KDM2A: variants seen among roughly 807,000 people sequenced by gnomAD.
The protein encoded by KDM2A is lysine demethylase 2A, also known as lysine-specific demethylase 2A.
A neutral mutation model predicts 137.3 loss-of-function variants in KDM2A; 3 were observed. The ratio of observed to expected loss-of-function variants is 0.02; its 90% CI spans 0.01 to 0.06. The LOEUF (loss-of-function observed/expected upper bound fraction) is 0.06, where lower values mean the gene tolerates loss of function less well. Among genes scored for constraint, KDM2A ranks in the 10% least tolerant of loss-of-function variants. The pLI is 1.00. For missense variants in KDM2A, 738 were observed against 1,510.6 expected (o/e 0.49, Z 8.48); for synonymous variants, 512 against 541.5 (o/e 0.95, Z 0.76).
chr11:67,213,790 C>A, intron 6 of KDM2A, among the ~76,000 whole-genome samples: 1 of 151,142 alleles, frequency 6.6e-6, no homozygotes, highest in East Asian at 1.9e-4. Flanking sequence ...TGTATTCTCA[C>A]ATTATTTCAG....
rs531574764 is a variant in KDM2A, at chr11:67,140,798, C to T, written c.42+19440C>T. On this transcript the variant is annotated intron_variant, in intron 2 of 20. Coordinates refer to ENST00000529006, the MANE Select transcript of KDM2A (RefSeq NM_012308.3). Reference sequence around the variant, plus strand: ...ATACTTTTGATTTATTTATATTAACCTTTCTGTCTCTAGTAGCATATTTAA... The same window carrying T: ...ATACTTTTGATTTATTTATATTAACTTTTCTGTCTCTAGTAGCATATTTAA... Among the ~76,000 whole-genome samples the T allele has an allele frequency of 2.0e-5, 3 of 152,046 alleles. No homozygotes were observed. The South Asian group carries it at 6.2e-4, about 32-fold the overall frequency.
In KDM2A at chr11:67,255,188, C is replaced by G. The variant is rs1859561263; in HGVS notation, c.*133C>G. 1 of 778,782 alleles carries G rather than the reference C, an allele frequency of 1.3e-6. No homozygotes were observed. Among genetic ancestry groups the G allele is most frequent in the Admixed American group, 2.6e-5 (1 of 38,364 alleles). The allele number at this position is 778,782 out of a possible 1,614,324, so 48.2% of individuals were successfully genotyped here. On this transcript the variant is annotated 3_prime_UTR_variant, in exon 21 of 21. Transcript: ENST00000529006. ...TCTCTGCTCTCCTGTCCCTTGAGCC[C>G]TTCCTCTACAGGTGGGGCAGAGAGG...
chr11:67,202,606 A>G (rs1363055838), intron 5 of KDM2A, among the ~76,000 whole-genome samples: 1 of 151,254 alleles, frequency 6.6e-6, no homozygotes, highest in Non-Finnish European at 1.5e-5. Context: ...CCCCGTCTCT[A>G]CTAAAAATAC....
intron 2 of KDM2A, among the ~76,000 whole-genome samples, chr11:67,168,954 T>G (rs1274055931): frequency 1.5e-5 from 2 of 137,910 alleles, no homozygotes; most frequent in African/African-American, 2.7e-5. Context: ...CCATGTAGTT[T>G]TTTTTTTTTT....
At chr11:67,207,269 A>G (rs1659635548) in intron 5 of KDM2A, among the ~76,000 whole-genome samples, 1 of 152,212 alleles carries the variant, frequency 6.6e-6, no homozygotes, top group Non-Finnish European at 1.5e-5. Flanking sequence ...ACATTAGATA[A>G]AAGAGTCAAC....
At chr11:67,170,408 CTTTT>C (rs923665021) in intron 2 of KDM2A, among the ~76,000 whole-genome samples, 3 of 92,840 alleles carry the variant, frequency 3.2e-5, no homozygotes, top group Admixed American at 1.1e-4. Context: ...TTCTTTCTTT[CTTTT>C]TTTTTTTTTT....
intron 13 of KDM2A, chr11:67,243,816 A>G (rs1401254832): frequency 6.6e-6 from 1 of 152,252 alleles, no homozygotes; most frequent in Non-Finnish European, 1.5e-5. Context: ...ACTGTCTCAA[A>G]GAAAAAAAAA....
chr11:67,198,406 C>T (rs1857533913), intron 5 of KDM2A, among the ~76,000 whole-genome samples: 1 of 151,908 alleles, frequency 6.6e-6, no homozygotes. Flanking sequence ...CATATGCTCA[C>T]TTCATGTCTG....
intron 3 of KDM2A, 59 bp from the exon 4 acceptor site, chr11:67,181,261 G>A (rs1295198806): frequency 9.2e-6 from 10 of 1,091,772 alleles, no homozygotes; most frequent in African/African-American, 7.8e-5. Context: ...CCTTTTTATG[G>A]TCCTTTTATC....
chr11:67,185,513 C>T (rs947392594), intron 5 of KDM2A, among the ~76,000 whole-genome samples: 8 of 151,932 alleles, frequency 5.3e-5, no homozygotes, highest in African/African-American at 1.9e-4. Flanking sequence ...CCTGTAATCC[C>T]AGCTACTTGG....
intron 5 of KDM2A, among the ~76,000 whole-genome samples, chr11:67,205,493 T>A (rs1005760861): frequency 6.6e-6 from 1 of 150,998 alleles, no homozygotes; most frequent in African/African-American, 2.4e-5. Flanking sequence ...TAGATATAAA[T>A]TTTTTTTTTC....
intron 2 of KDM2A, among the ~76,000 whole-genome samples, chr11:67,139,547 T>C (rs1278251866): frequency 1.3e-5 from 2 of 151,216 alleles, no homozygotes; most frequent in Non-Finnish European, 3.0e-5. Context: ...ACCCAGCCTC[T>C]TTTTGTTTTT....
intron 6 of KDM2A, among the ~76,000 whole-genome samples, chr11:67,214,176 G>C (rs999194341): frequency 6.6e-6 from 1 of 151,554 alleles, no homozygotes; most frequent in Non-Finnish European, 1.5e-5. Context: ...AAGTAGCTGG[G>C]ATTACAGGCA....
At position 67,242,276 on chromosome 11, in the gene KDM2A, GTA is replaced by G. The variant is rs1000613618; in HGVS notation, c.1480-731_1480-730del. 2.1e-4 allele frequency among the ~76,000 whole-genome samples: 15 copies of G among 70,988 alleles called. No homozygotes were observed. In the South Asian group the frequency reaches 2.9e-3, roughly 14 times the overall value. 46.6% of individuals were successfully genotyped at this position (70,988 alleles called of 152,430 possible). On this transcript the variant is annotated intron_variant, in intron 12 of 20. Transcript: ENST00000529006. ...CAAATAGCAGACTCTGTGGGTGTGT[GTA>G]TGTGTGTGTGTGTGTGTGTGTGTGT...
Position 67,254,867 on chromosome 11 carries a change from C to T in KDM2A, c.3308-7C>T. The T allele has an allele frequency of 6.2e-7, 1 of 1,613,230 alleles. No individual in the cohort carries two copies. Among genetic ancestry groups the T allele is most frequent in the South Asian group, 1.1e-5 (1 of 91,042 alleles). ...GAGCACTGTCATTATGTCCACTTTCCCGACAGGTTGCAATAAATTGACAGA... is the reference window on the plus strand; with the variant it reads ...GAGCACTGTCATTATGTCCACTTTCTCGACAGGTTGCAATAAATTGACAGA... On this transcript the variant is annotated splice_region_variant and splice_polypyrimidine_tract_variant and intron_variant, in intron 20 of 20. Transcript: ENST00000529006. The surrounding 1 kb of genome is among the most constrained non-coding windows in gnomAD (Gnocchi z 4.7).
intron 2 of KDM2A, among the ~76,000 whole-genome samples, chr11:67,126,698 A>T (rs1855739175): frequency 1.4e-5 from 2 of 141,688 alleles, no homozygotes; most frequent in East Asian, 4.1e-4. Context: ...ACAGAGCGAG[A>T]CTCCATTTCA....
At chr11:67,149,577 G>A (rs983502356) in intron 2 of KDM2A, among the ~76,000 whole-genome samples, 2 of 151,892 alleles carry the variant, frequency 1.3e-5, no homozygotes, top group African/African-American at 2.4e-5. Flanking sequence ...TTCACCAGAT[G>A]TAATCATTTT....
intron 2 of KDM2A, among the ~76,000 whole-genome samples, chr11:67,148,809 AAAC>A (rs1440316888): frequency 3.9e-5 from 6 of 152,110 alleles, no homozygotes; most frequent in African/African-American, 1.4e-4. Flanking sequence ...CTCAAAAACA[AAAC>A]AAGACAGACA....
At chr11:67,163,150 A>G (rs1461226660) in intron 2 of KDM2A, among the ~76,000 whole-genome samples, 2 of 152,018 alleles carry the variant, frequency 1.3e-5, no homozygotes, top group East Asian at 1.9e-4. Context: ...CTTCATTGCT[A>G]CTCTGTCTTC....
Sources: allele counts gnomAD v4.1 joint callset (sites outside exome capture counted in the v4.1 genomes callset), GRCh38; gene constraint gnomAD v4.1.1; non-coding constraint Gnocchi (gnomAD v3.1); transcripts MANE v1.5; gene names NCBI Gene and HGNC (gene_info 2026-07-23, HGNC 2026-07-21).